Variants in SPRTN observed in about 807,000 individuals in gnomAD.
SPRTN encodes the protein DNA-dependent metalloprotease SPRTN.
A neutral mutation model predicts 31.9 loss-of-function variants in SPRTN; 11 were observed. The observed-to-expected ratio is 0.34, with a 90% CI of 0.22 to 0.57. SPRTN has a LOEUF of 0.57. Among genes scored for constraint, SPRTN ranks in the 20% least tolerant of loss-of-function variants. The pLI, the probability that SPRTN is intolerant of heterozygous loss-of-function variation, is 0.86. For synonymous variants in SPRTN, 185 were observed against 212.1 expected, an observed-to-expected ratio of 0.87 and a Z score of 1.11; for missense variants, 482 against 590.1, an observed-to-expected ratio of 0.82 and a Z score of 1.90.
Position 231,353,135 on chromosome 1 carries a change from C to G in SPRTN, c.1244C>G (p.Thr415Ser), listed in dbSNP as rs1357867610. 6 of 1,612,166 alleles carry G rather than the reference C, an allele frequency of 3.7e-6. No individual in the cohort carries two copies. The highest frequency in any genetic ancestry group is 5.1e-6 in the Non-Finnish European group (6 of 1,179,406). ...PNKRPRLEDKTVFDNFFIKKE... is the reference protein window; with the variant it reads ...PNKRPRLEDKSVFDNFFIKKE... The stretch of plus-strand genomic sequence containing the variant: ...AAACGACCTAGGCTAGAAGATAAGA[C>G]TGTTTTTGACAATTTTTTTATCAAG... Residue 415 changes from threonine (T) to serine (S), a missense_variant, in exon 5 of 5, where the codon ACT becomes AGT. Thr to Ser is a moderately conservative substitution (Grantham distance 58). Transcript: ENST00000295050.
intron 1 of SPRTN, among the ~76,000 whole-genome samples, chr1:231,339,001 TCTC>T (rs946654494): frequency 1.3e-5 from 2 of 152,192 alleles, no homozygotes; most frequent in Admixed American, 1.3e-4. Context: ...GGATGTGTGT[TCTC>T]CTCCTCTATT....
intron 1 of SPRTN, chr1:231,339,352 G>T: frequency 2.7e-6 from 1 of 372,208 alleles, no homozygotes; most frequent in South Asian, 2.8e-5. Context: ...GTAACTTGTC[G>T]GAAGGAGACT....
Position 231,353,228 on chromosome 1 carries a change from G to C in SPRTN, c.1337G>C (p.Ser446Thr). The C allele has an allele frequency of 6.2e-7, 1 of 1,614,126 alleles. No homozygotes were observed. The highest frequency in any genetic ancestry group is 8.5e-7 in the Non-Finnish European group (1 of 1,180,008). Residue 446 changes from serine to threonine, a missense_variant, in exon 5 of 5, where the codon AGT becomes ACT. By Grantham distance (58) the Ser-to-Thr change is moderately conservative. Coordinates refer to ENST00000295050, the MANE Select transcript of SPRTN (RefSeq NM_032018.7). ...ACAACCACAGCTCAGAATTCCAGCAGTTCATCCAGTCAGAGCAAAATGGTT... is the reference window on the plus strand; with the variant it reads ...ACAACCACAGCTCAGAATTCCAGCACTTCATCCAGTCAGAGCAAAATGGTT... ...YSTTTAQNSSSSSSQSKMVNC... is the reference protein window; with the variant it reads ...YSTTTAQNSSTSSSQSKMVNC...
chr1:231,352,772 T>G lies in SPRTN; in HGVS notation c.881T>G (p.Val294Gly). The change falls in exon 5 of 5, where the codon GTA becomes GGA. Residue 294 changes from valine (V) to glycine (G), a missense_variant. Transcript: ENST00000295050. ...AATCAAAACCATTCAGCAAATGCTGTAAGACCTAATTCTAAAATCAAGGTG... is the reference window on the plus strand; with the variant it reads ...AATCAAAACCATTCAGCAAATGCTGGAAGACCTAATTCTAAAATCAAGGTG... ...LLNQNHSANA[V>G]RPNSKIKVKF... 6.2e-7 allele frequency: 1 copy of G among 1,614,066 alleles called. No individual in the cohort carries two copies. Among genetic ancestry groups the G allele is most frequent in the Non-Finnish European group, 8.5e-7 (1 of 1,179,972 alleles).
At chr1:231,349,659 T>A (rs1687163936) in intron 3 of SPRTN, among the ~76,000 whole-genome samples, 2 of 152,142 alleles carry the variant, frequency 1.3e-5, no homozygotes, top group South Asian at 4.1e-4. Context: ...TTTATTTTAG[T>A]GACTACATTG....
intron 3 of SPRTN, 115 bp downstream of exon 3, chr1:231,348,040 A>G: frequency 1.4e-6 from 2 of 1,408,788 alleles, no homozygotes; most frequent in Non-Finnish European, 9.5e-7. Context: ...GATTTTCCAC[A>G]GCGAACGAGA....
chr1:231,342,242 A>C (rs145581739), intron 2 of SPRTN, among the ~76,000 whole-genome samples: 254 of 152,342 alleles, frequency 1.7e-3, no homozygotes, highest in African/African-American at 5.2e-3. Flanking sequence ...GTAAATGATT[A>C]CATAAACACA....
intron 2 of SPRTN, among the ~76,000 whole-genome samples, chr1:231,346,063 C>G (rs1571995506): frequency 6.6e-6 from 1 of 152,232 alleles, no homozygotes; most frequent in East Asian, 1.9e-4. Context: ...AATCCTCCCA[C>G]CTCAGCCTCC....
At chr1:231,341,901 G>A (rs1055068671) in intron 2 of SPRTN, among the ~76,000 whole-genome samples, 3 of 152,070 alleles carry the variant, frequency 2.0e-5, no homozygotes, top group Non-Finnish European at 4.4e-5. Flanking sequence ...CACAAGAATC[G>A]CATGAACTCG....
At chr1:231,340,271 G>A (rs1277111724) in intron 2 of SPRTN, among the ~76,000 whole-genome samples, 1 of 152,106 alleles carries the variant, frequency 6.6e-6, no homozygotes, top group African/African-American at 2.4e-5. Flanking sequence ...GGAGGCTGAG[G>A]CAGGAGAATG....
rs531427435 is a variant in SPRTN, at chr1:231,351,673, G to A, written c.718+102G>A. 49 of 1,517,892 alleles carry A rather than the reference G, an allele frequency of 3.2e-5. No individual in the cohort carries two copies. The South Asian group carries it at 3.9e-4, about 12-fold the overall frequency. 94.0% of individuals were successfully genotyped at this position (1,517,892 alleles called of 1,614,324 possible). A position where few individuals can be genotyped will look rare whatever the true frequency, so the allele number is the denominator to read the frequency against. ...TGGTATTAAGATAAACTTAAGGATC[G>A]TTTCTGGTGTAGAAGTCTTCAAGTG... On this transcript the variant is annotated intron_variant, in intron 4 of 4. Coordinates refer to ENST00000295050, the MANE Select transcript of SPRTN (RefSeq NM_032018.7).
Position 231,347,920 on chromosome 1 carries a change from A to G in SPRTN, c.445A>G (p.Ile149Val), listed in dbSNP as rs1374876758. The stretch of plus-strand genomic sequence containing the variant: ...CATCAACAGCCTGACTGGAGCCAAT[A>G]TAACGGTATAGAAAGCCATATCTAT... The part of the protein sequence containing the change: ...HRINSLTGAN[I>V]TVYHTFHDEV... The change falls in exon 3 of 5, where the codon ATA becomes GTA. Residue 149 changes from isoleucine to valine, a missense_variant. Physicochemically the swap from Ile to Val is conservative, Grantham distance 29. This residue lies in a region of SPRTN where 157 missense variants were observed against 239.9 expected (regional missense o/e 0.65). Coordinates refer to ENST00000295050, the MANE Select transcript of SPRTN (RefSeq NM_032018.7). 6.2e-7 allele frequency: 1 copy of G among 1,610,782 alleles called. No individual in the cohort carries two copies. The highest frequency in any genetic ancestry group is 8.5e-7 in the Non-Finnish European group (1 of 1,179,324).
intron 2 of SPRTN, 184 bp downstream of exon 2, chr1:231,340,052 A>AAC: frequency 2.0e-6 from 1 of 504,684 alleles, no homozygotes; most frequent in Non-Finnish European, 3.4e-6. Context: ...CATAGTAAAA[A>AAC]AAAAAAAAAC....
At chr1:231,346,136 G>A (rs1336353591) in intron 2 of SPRTN, among the ~76,000 whole-genome samples, 2 of 148,984 alleles carry the variant, frequency 1.3e-5, no homozygotes, top group African/African-American at 2.5e-5. Flanking sequence ...GTATTAATTC[G>A]CATTTCTCTT....
Position 231,351,556 on chromosome 1 carries a change from G to A in SPRTN, c.703G>A (p.Ala235Thr). 1.9e-6 allele frequency: 3 copies of A among 1,614,018 alleles called. No individual in the cohort carries two copies. Among genetic ancestry groups the A allele is most frequent in the African/African-American group, 1.3e-5 (1 of 75,000 alleles). Reference protein sequence around the residue: ...KAKLGKEPVLAAENKDKPNRG... With the variant: ...KAKLGKEPVLTAENKDKPNRG... ...AAAACTAGGAAAGGAACCAGTATTG[G>A]CCGCAGAGAATAAAGGTACCTTCGT... is the stretch of plus-strand genomic sequence containing the variant. The change falls in exon 4 of 5, where the codon GCC (alanine) becomes ACC (threonine). Residue 235 changes from alanine (A) to threonine (T), a missense_variant. By Grantham distance (58) the Ala-to-Thr change is moderately conservative. Around this residue, in one of 2 missense-constraint regions of SPRTN, gnomAD observed 325 missense variants for 350.2 expected, o/e 0.93. Transcript: ENST00000295050.
chr1:231,348,714 C>G (rs1169933428), intron 3 of SPRTN, among the ~76,000 whole-genome samples: 1 of 152,124 alleles, frequency 6.6e-6, no homozygotes, highest in Admixed American at 6.5e-5. Context: ...TTCATCGTTC[C>G]AGTGGCATCT....
intron 2 of SPRTN, among the ~76,000 whole-genome samples, chr1:231,342,640 G>C (rs1221794928): frequency 6.6e-6 from 1 of 151,470 alleles, no homozygotes; most frequent in Non-Finnish European, 1.5e-5. Flanking sequence ...CATGTTGGCT[G>C]GTCTCAAACT....
At position 231,353,335 on chromosome 1, in the gene SPRTN, A is replaced by G. The variant is rs192060983; in HGVS notation, c.1444A>G (p.Lys482Glu). 9.1e-5 allele frequency: 144 copies of G among 1,591,144 alleles called. No homozygotes were observed. The East Asian group carries it at 3.2e-3, about 35-fold the overall frequency. Residue 482 changes from lysine to glutamate, a missense_variant, in exon 5 of 5, where the codon AAA (lysine) becomes GAA (glutamate). Lys to Glu is a moderately conservative substitution (Grantham distance 56). Coordinates refer to ENST00000295050, the MANE Select transcript of SPRTN (RefSeq NM_032018.7). ...LDWCLEGDSI[K>E]VKSEESL ...CTGGTGCCTTGAAGGTGACAGCATC[A>G]AAGTCAAAAGCGAAGAAAGTCTTTG...
chr1:231,353,194 A>C lies in SPRTN; in HGVS notation c.1303A>C (p.Lys435Gln), dbSNP rs1235328905. The C allele has an allele frequency of 6.2e-7, 1 of 1,613,744 alleles. No homozygotes were observed. The highest frequency in any genetic ancestry group is 8.5e-7 in the Non-Finnish European group (1 of 1,179,922). Reference protein sequence around the residue: ...EQIKSSGNDPKYSTTTAQNSS... With the variant: ...EQIKSSGNDPQYSTTTAQNSS... Reference sequence around the variant, plus strand: ...AATAAAAAGCAGTGGTAATGATCCAAAGTATAGTACAACCACAGCTCAGAA... The same window carrying C: ...AATAAAAAGCAGTGGTAATGATCCACAGTATAGTACAACCACAGCTCAGAA... The change falls in exon 5 of 5, where the codon AAG becomes CAG. Residue 435 changes from lysine (K) to glutamine (Q), a missense_variant. Coordinates refer to ENST00000295050, the MANE Select transcript of SPRTN (RefSeq NM_032018.7).
Sources: allele counts gnomAD v4.1 joint callset (sites outside exome capture counted in the v4.1 genomes callset), GRCh38; gene constraint gnomAD v4.1.1; regional missense constraint gnomAD v4.1.1; transcripts MANE v1.5; gene names NCBI Gene and HGNC (gene_info 2026-07-23, HGNC 2026-07-21).